Variants in MYH13 observed in about 807,000 individuals in gnomAD.
MYH13 encodes myosin heavy chain 13.
MYH13 carries 177 observed loss-of-function variants against 232.1 expected under a neutral mutation model. That is an observed-to-expected ratio of 0.76 (90% CI 0.67 to 0.86). MYH13 has a LOEUF of 0.86. Ranked by LOEUF, MYH13 falls within the 40% of genes least tolerant of loss-of-function variation. The pLI is 0.00. For synonymous variants in MYH13, 884 were observed against 923.5 expected, an observed-to-expected ratio of 0.96 and a Z score of 0.78; for missense variants, 2,246 against 2,405.9, an observed-to-expected ratio of 0.93 and a Z score of 1.39.
chr17:10,351,882 T>C (rs574952318), intron 11 of MYH13, among the ~76,000 whole-genome samples: 1 of 152,270 alleles, frequency 6.6e-6, no homozygotes, highest in South Asian at 2.1e-4. Flanking sequence ...ACGTGTTTGG[T>C]GAGCACGTAG....
At chr17:10,325,901 T>C (rs538668459) in intron 22 of MYH13, among the ~76,000 whole-genome samples, 49 of 152,226 alleles carry the variant, frequency 3.2e-4, no homozygotes, top group Non-Finnish European at 5.6e-4. Flanking sequence ...GGTTTCGATC[T>C]CTTGATCTCA....
rs756659634 is a variant in MYH13 at position 10,323,764 on chromosome 17, C to CA, written c.2934+257dup. On this transcript the variant is annotated intron_variant, in intron 23 of 40. Transcript: ENST00000252172. ...GGCAACAGAGCAAGACTCCATCTCA[C>CA]AAAAAAAAAAAAAAAAAAAAAAAAA... Among the ~76,000 whole-genome samples, 76 of 90,240 alleles carry CA rather than the reference C, an allele frequency of 8.4e-4. 1 individual carries two copies. The highest frequency in any genetic ancestry group is 1.2e-3 in the Non-Finnish European group (61 of 51,106). The allele number at this position is 90,240 out of a possible 152,430, so 59.2% of individuals were successfully genotyped here.
intron 22 of MYH13, among the ~76,000 whole-genome samples, chr17:10,325,966 C>A (rs1008561515): frequency 1.3e-5 from 2 of 152,170 alleles, no homozygotes; most frequent in Admixed American, 6.6e-5. Flanking sequence ...TGAGCCACCA[C>A]GCCCGGCCCA....
rs753739990 is a variant in MYH13, at chr17:10,333,138, C to T, written c.2110G>A (p.Glu704Lys). ...MHQLRCNGVL[E>K]GIRICRKGFP... is the part of the protein sequence containing the mutation. ...CCCTTCCTGCAAATCCGGATGCCCTCGAGGACCCCGTTACAGCGCAGCTGG... is the reference window on the plus strand; with the variant it reads ...CCCTTCCTGCAAATCCGGATGCCCTTGAGGACCCCGTTACAGCGCAGCTGG... The change falls in exon 19 of 41, where the codon GAG becomes AAG. Residue 704 changes from glutamate to lysine, a missense_variant. Physicochemically the swap from Glu to Lys is moderately conservative, Grantham distance 56 (BLOSUM62 1). Transcript: ENST00000252172. 1.4e-5 allele frequency: 21 copies of T among 1,551,794 alleles called. No individual in the cohort carries two copies. The highest frequency in any genetic ancestry group is 1.3e-4 in the South Asian group (11 of 84,066).
At chr17:10,321,478 G>A (rs1906936029) in intron 24 of MYH13, 54 bp downstream of exon 24, 4 of 1,534,780 alleles carry the variant, frequency 2.6e-6, no homozygotes, top group East Asian at 4.5e-5. Context: ...ACTGTCTCTT[G>A]TCTGTGCTTC....
intron 23 of MYH13, among the ~76,000 whole-genome samples, chr17:10,322,791 GC>G (rs1907016411): frequency 1.3e-5 from 2 of 152,002 alleles, no homozygotes; most frequent in South Asian, 4.2e-4. Flanking sequence ...CCGCCACCAC[GC>G]CCGGCTAATT....
At position 10,306,670 on chromosome 17, in the gene MYH13, C is replaced by T. The variant is rs762230505; in HGVS notation, c.5296-41G>A. 3.1e-6 allele frequency: 5 copies of T among 1,610,434 alleles called. No individual in the cohort carries two copies. Among genetic ancestry groups the T allele is most frequent in the Non-Finnish European group, 4.2e-6 (5 of 1,178,554 alleles). On this transcript the variant is annotated intron_variant, in intron 36 of 40. Coordinates refer to ENST00000252172, the MANE Select transcript of MYH13 (RefSeq NM_003802.3). This position sits in a 1 kb window ranked among gnomAD's most constrained non-coding sequence, Gnocchi z 4.3. ...GGACACATCAGAGGCCCTGTCCGCC[C>T]ATCCCTACCCAGAGCTTGCAGAAGA... is the stretch of plus-strand genomic sequence containing the variant.
rs1205965612 is a variant in MYH13 at position 10,359,872 on chromosome 17, G to A, written c.645+88C>T. ...TTTTCCTATTTGCCGTTTCTACTGA[G>A]CGCATACCCTGCATACACTTGGTGC... On this transcript the variant is annotated intron_variant, in intron 7 of 40. Coordinates refer to ENST00000252172, the MANE Select transcript of MYH13 (RefSeq NM_003802.3). 7 of 1,206,130 alleles carry A rather than the reference G, an allele frequency of 5.8e-6. No individual in the cohort carries two copies. The African/African-American group carries it at 6.0e-5, about 10-fold the overall frequency. The allele number at this position is 1,206,130 out of a possible 1,614,324, so 74.7% of individuals were successfully genotyped here. A position where few individuals can be genotyped will look rare whatever the true frequency, so the allele number is the denominator to read the frequency against.
At chr17:10,338,663 T>TAGATTAAAATG (rs2071594263) in intron 18 of MYH13, among the ~76,000 whole-genome samples, 1 of 151,414 alleles carries the variant, frequency 6.6e-6, no homozygotes, top group South Asian at 2.1e-4. Context: ...AAGTAAATAA[T>TAGATTAAAATG]AGATTAAAAT....
At chr17:10,334,972 A>T (rs1016979416) in intron 18 of MYH13, among the ~76,000 whole-genome samples, 1 of 152,076 alleles carries the variant, frequency 6.6e-6, no homozygotes, top group African/African-American at 2.4e-5. Flanking sequence ...TTCGACTCCC[A>T]TGAGCTCTCA....
intron 18 of MYH13, among the ~76,000 whole-genome samples, chr17:10,339,536 T>C (rs897571003): frequency 6.6e-6 from 1 of 152,192 alleles, no homozygotes; most frequent in African/African-American, 2.4e-5. Context: ...ATTTTGATTA[T>C]GGGATACCCA....
At chr17:10,319,496 A>C (rs1226802013) in intron 26 of MYH13, among the ~76,000 whole-genome samples, 3 of 130,564 alleles carry the variant, frequency 2.3e-5, no homozygotes, top group African/African-American at 5.9e-5. Context: ...GTGACAGAGC[A>C]AGACTCGGTC....
At chr17:10,346,497 C>T (rs368151405) in intron 13 of MYH13, among the ~76,000 whole-genome samples, 183 bp downstream of exon 13, 4 of 152,170 alleles carry the variant, frequency 2.6e-5, no homozygotes, top group Non-Finnish European at 2.9e-5. Context: ...GTCCTCATGG[C>T]GTCCAATGGG....
intron 13 of MYH13, among the ~76,000 whole-genome samples, chr17:10,346,128 G>A (rs1018455391): frequency 5.9e-5 from 9 of 151,376 alleles, no homozygotes; most frequent in African/African-American, 1.9e-4. Flanking sequence ...ACCTTTCTTT[G>A]AGAACTATCC....
At chr17:10,309,147 G>A in intron 35 of MYH13, 87 bp downstream of exon 35, 3 of 1,366,406 alleles carry the variant, frequency 2.2e-6, no homozygotes, top group African/African-American at 2.9e-5. Flanking sequence ...GGCCCTGAGT[G>A]GAGGGATAGC....
chr17:10,364,197 C>A (rs1430256265), intron 3 of MYH13, 130 bp downstream of exon 3: 2 of 967,842 alleles, frequency 2.1e-6, no homozygotes, highest in Non-Finnish European at 3.1e-6. Flanking sequence ...GCTACTTCAC[C>A]GCAGAACAGA....
rs765721497 is a variant in MYH13 at position 10,332,110 on chromosome 17, C to T, written c.2287G>A (p.Gly763Ser). Residue 763 changes from glycine to serine, a missense_variant, in exon 20 of 41, where the codon GGC becomes AGC. Gly to Ser is a moderately conservative substitution (Grantham distance 56). Transcript: ENST00000252172. ...IDVDREQFRF[G>S]NTKVFFKAGL... The stretch of plus-strand genomic sequence containing the variant: ...TTGCCTGTGCTCACCTTGGTGTTGC[C>T]GAACCTGAACTGCTCCCGGTCCACA... The T allele has an allele frequency of 4.3e-5, 69 of 1,613,742 alleles. No individual in the cohort carries two copies. In the Middle Eastern group the frequency reaches 6.6e-4, roughly 15 times the overall value.
Position 10,328,050 on chromosome 17 carries a change from A to G in MYH13, c.2507T>C (p.Leu836Pro). 1 of 1,614,174 alleles carries G rather than the reference A, an allele frequency of 6.2e-7. No homozygotes were observed. Among genetic ancestry groups the G allele is most frequent in the Non-Finnish European group, 8.5e-7 (1 of 1,180,014 alleles). The change falls in exon 22 of 41, where the codon CTG becomes CCG. Residue 836 changes from leucine to proline, a missense_variant. Coordinates refer to ENST00000252172, the MANE Select transcript of MYH13 (RefSeq NM_003802.3). ...MNVKHWPWMN[L>P]FFKIKPLLKS... ...CAGCAGGGGCTTGATTTTGAAGAAC[A>G]GGTTCATCCAGGGCCAGTGCTTGAC...
chr17:10,312,209 A>T, intron 31 of MYH13, 133 bp from the exon 32 acceptor site: 1 of 999,374 alleles, frequency 1.0e-6, no homozygotes, highest in East Asian at 2.6e-5. Context: ...GAGGAGGAGC[A>T]CTGTTCTAGA....
Sources: gnomAD v4.1 joint callset for allele counts (sites outside exome capture counted in the v4.1 genomes callset) on GRCh38, gnomAD v4.1.1 for gene constraint, Gnocchi (gnomAD v3.1) non-coding constraint, MANE v1.5 for transcripts, NCBI Gene and HGNC (gene_info 2026-07-23, HGNC 2026-07-21) for gene names.